ASIP: variants seen among roughly 807,000 people sequenced by gnomAD.
ASIP encodes the protein agouti signaling protein.
A neutral mutation model predicts 10.3 loss-of-function variants in ASIP; 11 were observed. That is an observed-to-expected ratio of 1.07 (90% CI 0.68 to 1.78). ASIP has a LOEUF of 1.78. Among genes scored for constraint, ASIP ranks in the 40% most tolerant of loss-of-function variants. ASIP has a pLI of 0.00. For synonymous variants in ASIP, 70 were observed against 70.8 expected (o/e 0.99, Z 0.06); for missense variants, 180 against 169.2 (o/e 1.06, Z -0.35).
chr20:34,262,018 C>T (rs560384388), intron 2 of ASIP, among the ~76,000 whole-genome samples: 1 of 151,762 alleles, frequency 6.6e-6, no homozygotes, highest in South Asian at 2.1e-4. Context: ...GAGGCTGAGA[C>T]AGGAAAATCA....
rs1568767625 is a variant in ASIP at position 34,257,062 on chromosome 20, T to TTC, written c.-10-3301_-10-3300dup. ...TCTTTTTCTTTCTTTCTCTCTCTCTTTCTTTCTCTTTTTTTTTTTTGTTTT... is the reference window on the plus strand; with the variant it reads ...TCTTTTTCTTTCTTTCTCTCTCTCTTTCTCTTTCTCTTTTTTTTTTTTGTTTT... On this transcript the variant is annotated intron_variant, in intron 1 of 3. Transcript: ENST00000374954. Among the ~76,000 whole-genome samples, 187 of 112,940 alleles carry TTC rather than the reference T, an allele frequency of 1.7e-3. 1 individual carries two copies. Among genetic ancestry groups the TTC allele is most frequent in the South Asian group, 0.011 (39 of 3,666 alleles). The allele number at this position is 112,940 out of a possible 152,430, so 74.1% of individuals were successfully genotyped here. A position where few individuals can be genotyped will look rare whatever the true frequency, so the allele number is the denominator to read the frequency against.
At chr20:34,233,935 C>T (rs2035144787) in intron 1 of ASIP, among the ~76,000 whole-genome samples, 1 of 152,238 alleles carries the variant, frequency 6.6e-6, no homozygotes, top group Non-Finnish European at 1.5e-5. Flanking sequence ...AGCCAGTCAA[C>T]ACTCAGTGCA....
At chr20:34,212,769 A>G (rs1238598770) in intron 1 of ASIP, among the ~76,000 whole-genome samples, 1 of 152,124 alleles carries the variant, frequency 6.6e-6, no homozygotes, top group Non-Finnish European at 1.5e-5. Flanking sequence ...GCCCTTGTTA[A>G]TTTTGATCAC....
chr20:34,259,739 A>G (rs2035656064), intron 1 of ASIP, among the ~76,000 whole-genome samples: 1 of 151,672 alleles, frequency 6.6e-6, no homozygotes, highest in Non-Finnish European at 1.5e-5. Context: ...AACAAGAGAG[A>G]GACTCCATCT....
chr20:34,264,883 C>T (rs997490843), intron 3 of ASIP, among the ~76,000 whole-genome samples: 1 of 147,210 alleles, frequency 6.8e-6, no homozygotes, highest in African/African-American at 2.5e-5. Context: ...GCAGCCTCAA[C>T]CTCCCAGGCT....
chr20:34,236,356 A>G (rs775231034), intron 1 of ASIP, among the ~76,000 whole-genome samples: 4 of 152,162 alleles, frequency 2.6e-5, no homozygotes, highest in Non-Finnish European at 4.4e-5. Flanking sequence ...CCTGGCCAAC[A>G]TGGTGAAACC....
chr20:34,236,405 A>G (rs1446353135), intron 1 of ASIP, among the ~76,000 whole-genome samples: 2 of 152,118 alleles, frequency 1.3e-5, no homozygotes, highest in African/African-American at 4.8e-5. Context: ...TTAGCCAGGC[A>G]TGGTGGTGCG....
At chr20:34,202,109 T>TA (rs1198748038) in intron 1 of ASIP, among the ~76,000 whole-genome samples, 1 of 152,190 alleles carries the variant, frequency 6.6e-6, no homozygotes, top group Admixed American at 6.5e-5. Flanking sequence ...AGTGCCTTTT[T>TA]AAAATCCCTT....
At chr20:34,253,726 T>C (rs6059739) in intron 1 of ASIP, among the ~76,000 whole-genome samples, 35,517 of 151,750 alleles carry the variant, frequency 0.23, 7,143 homozygotes, top group African/African-American at 0.55. Flanking sequence ...CCACCTCAGC[T>C]TCCCAAAGTG....
At chr20:34,203,993 G>T (rs898515205) in intron 1 of ASIP, among the ~76,000 whole-genome samples, 3 of 152,102 alleles carry the variant, frequency 2.0e-5, no homozygotes, top group African/African-American at 7.2e-5. Flanking sequence ...CAAAGTTCTG[G>T]GATTACAGGC....
chr20:34,202,386 A>T (rs1432240332), intron 1 of ASIP, among the ~76,000 whole-genome samples: 1 of 152,226 alleles, frequency 6.6e-6, no homozygotes, highest in Non-Finnish European at 1.5e-5. Context: ...TGATTGTGTC[A>T]ATCTTGTCTG....
intron 1 of ASIP, among the ~76,000 whole-genome samples, chr20:34,251,332 G>A (rs976701810): frequency 1.3e-5 from 2 of 151,306 alleles, no homozygotes; most frequent in Admixed American, 6.6e-5. Flanking sequence ...GTGCAGTGGC[G>A]TGATGTCGGC....
At chr20:34,266,648 G>C (rs2035791552) in intron 3 of ASIP, among the ~76,000 whole-genome samples, 1 of 152,150 alleles carries the variant, frequency 6.6e-6, no homozygotes. Context: ...ACTCCAGCCT[G>C]GGTGACACAG....
intron 1 of ASIP, among the ~76,000 whole-genome samples, chr20:34,256,077 G>A (rs892062761): frequency 6.6e-6 from 1 of 152,274 alleles, no homozygotes; most frequent in Admixed American, 6.5e-5. Context: ...GCCTTCTAGA[G>A]AGTGGTAGCA....
intron 1 of ASIP, among the ~76,000 whole-genome samples, chr20:34,250,657 C>T (rs1307289870): frequency 6.6e-6 from 1 of 152,120 alleles, no homozygotes; most frequent in African/African-American, 2.4e-5. Context: ...ATTAGCCGGG[C>T]GTAGTGGTGC....
chr20:34,260,543 C>G lies in ASIP; in HGVS notation c.160+9C>G. On this transcript the variant is annotated intron_variant, in intron 2 of 3. Transcript: ENST00000374954. ...TTCTGTCTCTATTGTGGGTAAGTCA[C>G]CTAGCCTCTGGGCTCTGGCCCAGGA... The G allele has an allele frequency of 6.2e-7, 1 of 1,603,168 alleles. No homozygotes were observed. The highest frequency in any genetic ancestry group is 8.5e-7 in the Non-Finnish European group (1 of 1,172,246).
chr20:34,192,901 A>G (rs551020487), upstream of ASIP, among the ~76,000 whole-genome samples: 10 of 152,188 alleles, frequency 6.6e-5, no homozygotes, highest in East Asian at 1.5e-3. Context: ...ATAATGATCA[A>G]CTCAGGATAA....
rs554657361 is a variant in ASIP at position 34,269,037 on chromosome 20, C to T, written c.269C>T (p.Ser90Phe). Residue 90 changes from serine to phenylalanine, a missense_variant, in exon 4 of 4, where the codon TCT (serine) becomes TTT (phenylalanine). By Grantham distance (155) the Ser-to-Phe change is radical. Transcript: ENST00000374954. The part of the protein sequence containing the change: ...KKVVRPRTPL[S>F]APCVATRNSC... ...GTGGTGCGGCCCCGGACCCCCCTAT[C>T]TGCGCCCTGCGTGGCCACCCGCAAC... 2 of 1,606,674 alleles carry T rather than the reference C, an allele frequency of 1.2e-6. No homozygotes were observed. The highest frequency in any genetic ancestry group is 1.7e-5 in the Admixed American group (1 of 59,496).
chr20:34,204,192 A>G (rs1290335480), intron 1 of ASIP, among the ~76,000 whole-genome samples: 1 of 151,800 alleles, frequency 6.6e-6, no homozygotes, highest in African/African-American at 2.4e-5. Flanking sequence ...TAGTGTGTGT[A>G]GTGATTTCTT....
Sources: gnomAD v4.1 joint callset for allele counts (sites outside exome capture counted in the v4.1 genomes callset) on GRCh38, gnomAD v4.1.1 for gene constraint, MANE v1.5 for transcripts, NCBI Gene and HGNC (gene_info 2026-07-23, HGNC 2026-07-21) for gene names.